EXOC6B: variants seen among roughly 807,000 people sequenced by gnomAD.
EXOC6B encodes exocyst complex component 6B.
A neutral mutation model predicts 113.5 loss-of-function variants in EXOC6B; 54 were observed. The ratio of observed to expected loss-of-function variants is 0.48; its 90% confidence interval spans 0.38 to 0.60. EXOC6B has a LOEUF of 0.60. Among genes scored for constraint, EXOC6B ranks in the 20% least tolerant of loss-of-function variants. The probability of loss-of-function intolerance (pLI) is 0.00; values close to 1 mark genes in which losing one functional copy is unlikely to be tolerated. For synonymous variants in EXOC6B, 357 were observed against 339.0 expected (o/e 1.05, Z -0.58); for missense variants, 797 against 977.5 (o/e 0.82, Z 2.46).
At chr2:72,333,718 T>C (rs1450283240) in intron 20 of EXOC6B, among the ~76,000 whole-genome samples, 1 of 152,052 alleles carries the variant, frequency 6.6e-6, no homozygotes, top group African/African-American at 2.4e-5. Flanking sequence ...AAATATTAAG[T>C]TGACACACGT....
At chr2:72,565,446 TA>T (rs1315966594) in intron 7 of EXOC6B, among the ~76,000 whole-genome samples, 1 of 148,252 alleles carries the variant, frequency 6.7e-6, no homozygotes, top group African/African-American at 2.5e-5. Flanking sequence ...TATGAAACTC[TA>T]AACCTTTAGG....
intron 20 of EXOC6B, among the ~76,000 whole-genome samples, chr2:72,221,303 C>T (rs1188919781): frequency 2.6e-5 from 4 of 152,170 alleles, no homozygotes; most frequent in African/African-American, 9.7e-5. Flanking sequence ...AAGGACTCTA[C>T]GTTAGTTACT....
chr2:72,281,325 G>T (rs910015695), intron 20 of EXOC6B, among the ~76,000 whole-genome samples: 6 of 152,208 alleles, frequency 3.9e-5, no homozygotes, highest in African/African-American at 1.2e-4. Context: ...CTGGGATTCA[G>T]TAAAAAGTTA....
chr2:72,311,002 A>G lies in EXOC6B; in HGVS notation c.2196+23945T>C, dbSNP rs367961404. ...TATAACAGAAGCAAGATTCAAACTC[A>G]GCTCTGTCTAAATGCACAGACCACA... On this transcript the variant is annotated intron_variant, in intron 20 of 21. Transcript: ENST00000272427. Among the ~76,000 whole-genome samples, 15 of 152,268 alleles carry G rather than the reference A, an allele frequency of 9.9e-5. No homozygotes were observed. In the South Asian group the frequency reaches 3.1e-3, roughly 32 times the overall value.
intron 19 of EXOC6B, among the ~76,000 whole-genome samples, chr2:72,377,605 A>T (rs1691433990): frequency 6.6e-6 from 1 of 152,230 alleles, no homozygotes; most frequent in Admixed American, 6.5e-5. Flanking sequence ...AAGAAAAGGC[A>T]CAGAAAGACA....
In EXOC6B at chr2:72,512,397, A is replaced by AAGGG. The variant is rs1558748744; in HGVS notation, c.1167+734_1167+735insCCCT. Reference sequence around the variant, plus strand: ...GAAGGAAGGAAGGAAGGAAGGAAGGAAGGAAGGAAGGAAGGAAGGAAGGAA... The same window carrying AAGGG: ...GAAGGAAGGAAGGAAGGAAGGAAGGAAGGGAGGAAGGAAGGAAGGAAGGAAGGAA... On this transcript the variant is annotated intron_variant, in intron 11 of 21. Coordinates refer to ENST00000272427, the MANE Select transcript of EXOC6B (RefSeq NM_015189.3). Among the ~76,000 whole-genome samples the AAGGG allele has an allele frequency of 1.5e-4, 20 of 133,386 alleles. 2 individuals carry two copies. Among genetic ancestry groups the AAGGG allele is most frequent in the African/African-American group, 5.7e-4 (19 of 33,212 alleles). 87.5% of individuals were successfully genotyped at this position (133,386 alleles called of 152,430 possible).
intron 6 of EXOC6B, among the ~76,000 whole-genome samples, chr2:72,717,451 G>A (rs1679691697): frequency 6.6e-6 from 1 of 151,990 alleles, no homozygotes; most frequent in Non-Finnish European, 1.5e-5. Flanking sequence ...AAATCAATGT[G>A]ACAAATTTCA....
intron 15 of EXOC6B, among the ~76,000 whole-genome samples, chr2:72,494,666 A>G (rs1003334113): frequency 2.0e-5 from 3 of 152,112 alleles, no homozygotes; most frequent in African/African-American, 7.2e-5. Flanking sequence ...TTTCCACCCT[A>G]CAAAAGGATG....
At chr2:72,391,104 A>G (rs1692346351) in intron 18 of EXOC6B, among the ~76,000 whole-genome samples, 1 of 152,160 alleles carries the variant, frequency 6.6e-6, no homozygotes, top group African/African-American at 2.4e-5. Flanking sequence ...AAGTACTTCT[A>G]GGAGATTGCT....
chr2:72,401,659 A>ATG (rs1693328123), intron 18 of EXOC6B, among the ~76,000 whole-genome samples: 2 of 76,768 alleles, frequency 2.6e-5, no homozygotes, highest in South Asian at 3.0e-4. Context: ...ATATATATAT[A>ATG]TATATATGTA....
chr2:72,713,068 G>C (rs1679374108), intron 6 of EXOC6B, among the ~76,000 whole-genome samples: 2 of 152,230 alleles, frequency 1.3e-5, no homozygotes, highest in African/African-American at 2.4e-5. Flanking sequence ...AACTTTATTA[G>C]AGATTAATTT....
rs764814187 is a variant in EXOC6B at position 72,495,531 on chromosome 2, A to G, written c.1452T>C (p.Phe484=). The G allele has an allele frequency of 4.4e-6, 7 of 1,587,294 alleles. No homozygotes were observed. Among genetic ancestry groups the G allele is most frequent in the Non-Finnish European group, 5.2e-6 (6 of 1,159,118 alleles). The change falls in exon 15 of 22, where the codon TTT becomes TTC. Residue 484 remains phenylalanine (F), a synonymous_variant. Transcript: ENST00000272427. The stretch of plus-strand genomic sequence containing the variant: ...ATTCAGAGAAAGGAAACTTTTTTGG[A>G]AATGGTTGCTGTAAATGCAAGAAGT... ...FQDIELEKQP[F]PKKFPFSEFV... is the part of the protein sequence containing the mutation.
intron 18 of EXOC6B, among the ~76,000 whole-genome samples, chr2:72,387,720 A>G (rs940877899): frequency 5.9e-5 from 9 of 152,138 alleles, no homozygotes; most frequent in African/African-American, 1.9e-4. Flanking sequence ...CATCCCTGAC[A>G]TTAATAATTT....
chr2:72,336,557 T>G (rs1033133966), intron 19 of EXOC6B, among the ~76,000 whole-genome samples: 9 of 152,194 alleles, frequency 5.9e-5, no homozygotes, highest in African/African-American at 2.2e-4. Context: ...TTTTGACATT[T>G]AAAATTAAAA....
chr2:72,266,773 T>A (rs1360620725), intron 20 of EXOC6B, among the ~76,000 whole-genome samples: 1 of 152,114 alleles, frequency 6.6e-6, no homozygotes, highest in Non-Finnish European at 1.5e-5. Context: ...TTAAAGTAGT[T>A]TTTTTCCAAT....
intron 17 of EXOC6B, among the ~76,000 whole-genome samples, chr2:72,467,217 C>A (rs1001077264): frequency 2.6e-5 from 4 of 152,122 alleles, no homozygotes; most frequent in Non-Finnish European, 5.9e-5. Context: ...ACTACATTTT[C>A]TTTATGCATT....
At chr2:72,620,971 C>A (rs975449318) in intron 6 of EXOC6B, among the ~76,000 whole-genome samples, 1 of 152,040 alleles carries the variant, frequency 6.6e-6, no homozygotes, top group Non-Finnish European at 1.5e-5. Context: ...TTATACCAGT[C>A]AGAATGGCTA....
intron 20 of EXOC6B, among the ~76,000 whole-genome samples, chr2:72,307,439 A>C (rs1422731728): frequency 6.6e-6 from 1 of 152,038 alleles, no homozygotes; most frequent in Admixed American, 6.5e-5. Flanking sequence ...GGTATAGTCC[A>C]AAATTCTAAC....
intron 6 of EXOC6B, among the ~76,000 whole-genome samples, chr2:72,694,780 A>G (rs1677747873): frequency 6.6e-6 from 1 of 152,244 alleles, no homozygotes. Context: ...GCAGGCTTAC[A>G]TATTGCTAAG....
Sources: allele counts gnomAD v4.1 joint callset (sites outside exome capture counted in the v4.1 genomes callset), GRCh38; gene constraint gnomAD v4.1.1; transcripts MANE v1.5; gene names NCBI Gene and HGNC (gene_info 2026-07-23, HGNC 2026-07-21).